Variants in SERTAD2 observed in about 807,000 individuals in gnomAD.
SERTAD2 encodes the protein SERTA domain-containing protein 2.
A neutral mutation model predicts 15.4 loss-of-function variants in SERTAD2; 2 were observed. That is an observed-to-expected ratio of 0.13 (90% CI 0.05 to 0.41). The LOEUF is 0.41. Ranked by LOEUF, SERTAD2 falls within the 10% of genes least tolerant of loss-of-function variation. The pLI is 0.99. For missense variants in SERTAD2, 333 were observed against 409.7 expected (o/e 0.81, Z 1.62); for synonymous variants, 180 against 178.0 (o/e 1.01, Z -0.09).
In SERTAD2 at chr2:64,635,845, G is replaced by A. The variant is rs1429730124; in HGVS notation, c.*82C>T. On this transcript the variant is annotated 3_prime_UTR_variant, in exon 2 of 2. Transcript: ENST00000313349. ...TTTTCTCTGAAAAAGGCAAGCAAGG[G>A]TGCATGCACAGTGTGGAGAACTGTC... 9.2e-7 allele frequency: 1 copy of A among 1,086,154 alleles called. No homozygotes were observed. Among genetic ancestry groups the A allele is most frequent in the South Asian group, 1.4e-5 (1 of 70,264 alleles). The allele number at this position is 1,086,154 out of a possible 1,614,324, so 67.3% of individuals were successfully genotyped here. A position where few individuals can be genotyped will look rare whatever the true frequency, so the allele number is the denominator to read the frequency against.
chr2:64,638,540 A>G (rs934762221), intron 1 of SERTAD2, among the ~76,000 whole-genome samples: 73 of 152,360 alleles, frequency 4.8e-4, no homozygotes, highest in African/African-American at 1.7e-3. Context: ...CACTTGGGGT[A>G]ACCGTCTTAC....
rs146983633 is a variant in SERTAD2, at chr2:64,636,511, C to T, written c.361G>A (p.Gly121Arg). 2.7e-5 allele frequency: 43 copies of T among 1,607,230 alleles called. No homozygotes were observed. In the African/African-American group the frequency reaches 4.0e-4, roughly 15 times the overall value. ...CAGGCCTCCAGGGGCGTAGTGCTTCCGAGGTCGCAGGGGTGGGAGGACGGG... is the reference window on the plus strand; with the variant it reads ...CAGGCCTCCAGGGGCGTAGTGCTTCTGAGGTCGCAGGGGTGGGAGGACGGG... ...ASPSSHPCDL[G>R]STTPLEACLT... The change falls in exon 2 of 2, where the codon GGA becomes AGA. Residue 121 changes from glycine (G) to arginine (R), a missense_variant. Physicochemically the swap from Gly to Arg is moderately radical, Grantham distance 125. Transcript: ENST00000313349.
intron 1 of SERTAD2, among the ~76,000 whole-genome samples, chr2:64,642,428 T>C (rs998815602): frequency 1.3e-5 from 2 of 152,170 alleles, no homozygotes; most frequent in African/African-American, 4.8e-5. Context: ...ATGCAAACAA[T>C]TTTTTTGAAG....
chr2:64,641,644 C>A (rs1303577671), intron 1 of SERTAD2, among the ~76,000 whole-genome samples: 1 of 151,692 alleles, frequency 6.6e-6, no homozygotes, highest in African/African-American at 2.4e-5. Flanking sequence ...AAAAACAGAG[C>A]CAGGTGTGTG....
At position 64,648,092 on chromosome 2, in the gene SERTAD2, T is replaced by G. The variant is rs879653619; in HGVS notation, c.-5+5528A>C. Among the ~76,000 whole-genome samples the G allele has an allele frequency of 3.9e-5, 6 of 152,306 alleles. No individual in the cohort carries two copies. In the East Asian group the frequency reaches 1.2e-3, roughly 29 times the overall value. ...GAACATTGTATTGTACGGCCTAAACTTGGATTCCCTAGAGAACAATATCAC... is the reference window on the plus strand; with the variant it reads ...GAACATTGTATTGTACGGCCTAAACGTGGATTCCCTAGAGAACAATATCAC... On this transcript the variant is annotated intron_variant, in intron 1 of 1. Transcript: ENST00000313349.
At chr2:64,651,100 A>G (rs1325940150) in intron 1 of SERTAD2, among the ~76,000 whole-genome samples, 1 of 152,236 alleles carries the variant, frequency 6.6e-6, no homozygotes, top group Non-Finnish European at 1.5e-5. Flanking sequence ...AAATACGCCT[A>G]TCTATATATA....
intron 1 of SERTAD2, among the ~76,000 whole-genome samples, chr2:64,641,870 G>A (rs966827986): frequency 1.3e-5 from 2 of 152,162 alleles, no homozygotes; most frequent in Non-Finnish European, 2.9e-5. Context: ...ACAAGCCTTA[G>A]GTTCACCTGG....
chr2:64,640,481 T>G (rs1024718696), intron 1 of SERTAD2, among the ~76,000 whole-genome samples: 1 of 145,586 alleles, frequency 6.9e-6, no homozygotes, highest in African/African-American at 2.5e-5. Flanking sequence ...AAGCCTCTCT[T>G]TCCTCAGGCA....
At chr2:64,642,655 C>T (rs1315253133) in intron 1 of SERTAD2, among the ~76,000 whole-genome samples, 1 of 152,140 alleles carries the variant, frequency 6.6e-6, no homozygotes, top group Admixed American at 6.5e-5. Flanking sequence ...CTGCTTTAAC[C>T]TGCAGGCTCA....
Position 64,633,325 on chromosome 2 carries a change from A to C in SERTAD2, c.*2602T>G, listed in dbSNP as rs969725254. ...GGTTTTTGTTTTGATTTTGAAGCCC[A>C]GCCTTACAAATACATAAGAGTCAGA... On this transcript the variant is annotated 3_prime_UTR_variant, in exon 2 of 2. Transcript: ENST00000313349. 9 of 152,226 alleles carry C rather than the reference A, an allele frequency of 5.9e-5. No homozygotes were observed. The highest frequency in any genetic ancestry group is 5.9e-4 in the Admixed American group (9 of 15,284). The allele number at this position is 152,226 out of a possible 1,614,324, so 9.4% of individuals were successfully genotyped here. A position where few individuals can be genotyped will look rare whatever the true frequency, so the allele number is the denominator to read the frequency against.
At position 64,634,258 on chromosome 2, in the gene SERTAD2, C is replaced by T. The variant is rs1416463080; in HGVS notation, c.*1669G>A. Reference sequence around the variant, plus strand: ...ATTGGAAGAAAAGAAAAAACTGAAACAAGAAGGCCATAAACAGTTTCGGCA... The same window carrying T: ...ATTGGAAGAAAAGAAAAAACTGAAATAAGAAGGCCATAAACAGTTTCGGCA... On this transcript the variant is annotated 3_prime_UTR_variant, in exon 2 of 2. Transcript: ENST00000313349. 1.3e-5 allele frequency: 2 copies of T among 151,970 alleles called. No individual in the cohort carries two copies. The highest frequency in any genetic ancestry group is 2.9e-5 in the Non-Finnish European group (2 of 68,008). The allele number at this position is 151,970 out of a possible 1,614,324, so 9.4% of individuals were successfully genotyped here. A position where few individuals can be genotyped will look rare whatever the true frequency, so the allele number is the denominator to read the frequency against.
chr2:64,642,809 T>C (rs895326595), intron 1 of SERTAD2, among the ~76,000 whole-genome samples: 69 of 152,188 alleles, frequency 4.5e-4, no homozygotes, highest in African/African-American at 1.4e-3. Flanking sequence ...GGTTTCTCTG[T>C]GCCAGTCAAA....
intron 1 of SERTAD2, chr2:64,644,596 C>G (rs1325734690): frequency 6.6e-6 from 1 of 152,232 alleles, no homozygotes; most frequent in Non-Finnish European, 1.5e-5. Context: ...AATATTACAC[C>G]TTAAACAACA....
At chr2:64,649,325 C>T (rs752864277) in intron 1 of SERTAD2, among the ~76,000 whole-genome samples, 2 of 152,204 alleles carry the variant, frequency 1.3e-5, no homozygotes, top group Non-Finnish European at 2.9e-5. Flanking sequence ...GCAAGCAAAG[C>T]GCTAAAGGCT....
chr2:64,648,920 T>C (rs1674956088), intron 1 of SERTAD2, among the ~76,000 whole-genome samples: 1 of 152,068 alleles, frequency 6.6e-6, no homozygotes. Context: ...GAGCAAAAAT[T>C]CTTCCACTCT....
intron 1 of SERTAD2, among the ~76,000 whole-genome samples, chr2:64,650,638 T>C (rs1674989108): frequency 6.6e-6 from 1 of 152,246 alleles, no homozygotes. Flanking sequence ...AGTAGCCATT[T>C]CCTTCAAACA....
chr2:64,636,337 GCTC>G lies in SERTAD2; in HGVS notation c.532_534del (p.Glu178del), dbSNP rs1420212015. ...TCTGTGGAGGTAGATGTGGGACAGA[GCTC>G]CTCGATCTCGTCCAAGGCAGAGGAG... On this transcript the variant is annotated inframe_deletion, in exon 2 of 2. Coordinates refer to ENST00000313349, the MANE Select transcript of SERTAD2 (RefSeq NM_014755.3). 6.2e-7 allele frequency: 1 copy of G among 1,614,206 alleles called. No homozygotes were observed.
intron 1 of SERTAD2, among the ~76,000 whole-genome samples, chr2:64,638,700 G>T (rs1267826837): frequency 3.3e-5 from 1 of 30,644 alleles, no homozygotes; most frequent in African/African-American, 9.4e-5. Context: ...TTTAAAAAAT[G>T]GCTGTCAATG....
intron 1 of SERTAD2, among the ~76,000 whole-genome samples, chr2:64,641,107 G>A (rs2104343464): frequency 6.6e-6 from 1 of 152,312 alleles, no homozygotes; most frequent in Non-Finnish European, 1.5e-5. Flanking sequence ...GAAAACTTCT[G>A]GAGTTTTCCA....
Sources: allele counts gnomAD v4.1 joint callset (sites outside exome capture counted in the v4.1 genomes callset), GRCh38; gene constraint gnomAD v4.1.1; transcripts MANE v1.5; gene names NCBI Gene and HGNC (gene_info 2026-07-23, HGNC 2026-07-21).